RHBDF1: variants seen among roughly 807,000 people sequenced by gnomAD.
RHBDF1 encodes the protein rhomboid 5 homolog 1, also known as inactive rhomboid protein 1.
A neutral mutation model predicts 98.6 loss-of-function variants in RHBDF1; 80 were observed. The ratio of observed to expected loss-of-function variants is 0.81; its 90% CI spans 0.68 to 0.98. The LOEUF is 0.98. RHBDF1 is among the 50% of genes least tolerant of loss of function. RHBDF1 has a pLI of 0.00. For missense variants in RHBDF1, 1,116 were observed against 1,198.3 expected (o/e 0.93, Z 1.01); for synonymous variants, 512 against 486.8 (o/e 1.05, Z -0.68).
In RHBDF1 at chr16:72,507, A is replaced by G; in HGVS notation, c.-25+6T>C. ...GAGCCCTGCGCTCCCGGCCGCGCTC[A>G]CTCACTGCCGCCGCCGGGGGCTCTG... On this transcript the variant is annotated splice_donor_region_variant and intron_variant, in intron 1 of 17. Transcript: ENST00000262316. 1 of 960,680 alleles carries G rather than the reference A, an allele frequency of 1.0e-6. No homozygotes were observed. The highest frequency in any genetic ancestry group is 1.2e-6 in the Non-Finnish European group (1 of 820,574). The allele number at this position is 960,680 out of a possible 1,614,324, so 59.5% of individuals were successfully genotyped here. A position where few individuals can be genotyped will look rare whatever the true frequency, so the allele number is the denominator to read the frequency against.
At chr16:71,270 C>T (rs539452770) in intron 1 of RHBDF1, among the ~76,000 whole-genome samples, 86 of 152,306 alleles carry the variant, frequency 5.6e-4, no homozygotes, top group Middle Eastern at 3.4e-3. Flanking sequence ...GGGTCTGAGG[C>T]CCCTTCAATC....
In RHBDF1 at chr16:59,304, G is replaced by A. The variant is rs939688783; in HGVS notation, c.1939C>T (p.Pro647Ser). Residue 647 changes from proline (P) to serine (S), a missense_variant, in exon 16 of 18, where the codon CCC becomes TCC. Pro to Ser is a moderately conservative substitution (Grantham distance 74). Transcript: ENST00000262316. ...DVCGLLPFLN[P>S]EVPDQFYRLW... ...CGGTAGAACTGGTCAGGCACCTCGG[G>A]GTTGAGAAAAGGCAGGAGCCCACAC... The A allele has an allele frequency of 6.2e-7, 1 of 1,612,064 alleles. No individual in the cohort carries two copies. The highest frequency in any genetic ancestry group is 1.3e-5 in the African/African-American group (1 of 75,030).
intron 1 of RHBDF1, among the ~76,000 whole-genome samples, chr16:70,835 C>T (rs1897950133): frequency 6.6e-6 from 1 of 152,230 alleles, no homozygotes; most frequent in African/African-American, 2.4e-5. Flanking sequence ...TCAGACCCTT[C>T]TAAGACCCCT....
At chr16:64,344 C>G (rs959691654) in intron 3 of RHBDF1, 4 of 1,361,374 alleles carry the variant, frequency 2.9e-6, no homozygotes, top group Non-Finnish European at 9.7e-7. Flanking sequence ...TGAGCAGGGA[C>G]CAAGAGAGAG....
In RHBDF1 at chr16:63,816, C is replaced by T. The variant is rs1897737678; in HGVS notation, c.249-16G>A. 5 of 1,609,272 alleles carry T rather than the reference C, an allele frequency of 3.1e-6. No individual in the cohort carries two copies. Among genetic ancestry groups the T allele is most frequent in the Non-Finnish European group, 4.2e-6 (5 of 1,176,876 alleles). ...GGCGGTCCCCCTGGCATGGCAGGGA[C>T]TCAGCAAGGGGCGGCCAGATCGCCC... On this transcript the variant is annotated splice_polypyrimidine_tract_variant and intron_variant, in intron 3 of 17. Transcript: ENST00000262316.
In RHBDF1 at chr16:61,957, G is replaced by T. The variant is rs759878923; in HGVS notation, c.1049C>A (p.Pro350Gln). The T allele has an allele frequency of 2.6e-5, 42 of 1,594,080 alleles. No individual in the cohort carries two copies. The East Asian group carries it at 9.0e-4, about 34-fold the overall frequency. Residue 350 changes from proline (P) to glutamine (Q), a missense_variant, in exon 8 of 18, where the codon CCG becomes CAG. By Grantham distance (76) the Pro-to-Gln change is moderately conservative. Coordinates refer to ENST00000262316, the MANE Select transcript of RHBDF1 (RefSeq NM_022450.5). ...CACCGCGATACGCTGGCCCCGTCGC[G>T]GCCCCGCGGTGCTCACCACCTCCTG... ...LRQEVVSTAG[P>Q]RRGQRIAVPV...
At chr16:69,353 C>T (rs1219772959) in intron 1 of RHBDF1, among the ~76,000 whole-genome samples, 1 of 152,126 alleles carries the variant, frequency 6.6e-6, no homozygotes, top group Non-Finnish European at 1.5e-5. Flanking sequence ...CTGCCAACCC[C>T]GGGGCCAGAA....
chr16:71,604 TAGG>T (rs1454040549), intron 1 of RHBDF1, among the ~76,000 whole-genome samples: 1 of 152,128 alleles, frequency 6.6e-6, no homozygotes, highest in African/African-American at 2.4e-5. Context: ...GTTCCCAGGA[TAGG>T]AGAAGGGCCT....
chr16:62,704 A>T lies in RHBDF1; in HGVS notation c.796-9T>A. On this transcript the variant is annotated splice_polypyrimidine_tract_variant and intron_variant, in intron 6 of 17. Transcript: ENST00000262316. ...TCATGGAGGATACCTTCCTGAGCAA[A>T]CACATGAGGTCAGGGTGGACACAGG... 1 of 1,614,126 alleles carries T rather than the reference A, an allele frequency of 6.2e-7. No individual in the cohort carries two copies. Among genetic ancestry groups the T allele is most frequent in the Non-Finnish European group, 8.5e-7 (1 of 1,180,008 alleles).
chr16:64,548 C>G (rs2141857473), intron 3 of RHBDF1, 151 bp downstream of exon 3: 1 of 1,547,102 alleles, frequency 6.5e-7, no homozygotes, highest in Non-Finnish European at 8.7e-7. Flanking sequence ...GTATCCAGAA[C>G]AGGAGGAGGG....
At chr16:70,875 T>C (rs1897951005) in intron 1 of RHBDF1, among the ~76,000 whole-genome samples, 1 of 152,144 alleles carries the variant, frequency 6.6e-6, no homozygotes, top group African/African-American at 2.4e-5. Flanking sequence ...GGCATCTCAG[T>C]TGAAGAAGGA....
At chr16:68,002 T>A (rs1897873197) in intron 1 of RHBDF1, among the ~76,000 whole-genome samples, 1 of 151,478 alleles carries the variant, frequency 6.6e-6, no homozygotes, top group Non-Finnish European at 1.5e-5. Flanking sequence ...CCCAGGAACC[T>A]CCCCAGGACT....
Position 61,298 on chromosome 16 carries a change from CG to C in RHBDF1, c.1396-18del. 1 of 1,541,642 alleles carries C rather than the reference CG, an allele frequency of 6.5e-7. No individual in the cohort carries two copies. The highest frequency in any genetic ancestry group is 8.7e-7 in the Non-Finnish European group (1 of 1,143,156). On this transcript the variant is annotated intron_variant, in intron 10 of 17. Coordinates refer to ENST00000262316, the MANE Select transcript of RHBDF1 (RefSeq NM_022450.5). ...GAGGGCCTCCTGCGGGCGAGGGAGA[CG>C]AGCGGCCGCAGTCCGGGGCCTCCTG...
chr16:58,279 A>T lies in RHBDF1; in HGVS notation c.*61T>A. On this transcript the variant is annotated 3_prime_UTR_variant, in exon 18 of 18. Coordinates refer to ENST00000262316, the MANE Select transcript of RHBDF1 (RefSeq NM_022450.5). ...TGACTCCTGTAAGCCTGTGAGGCTC[A>T]GGGAGGTCGTGTCTGGCTCTGGCCT... 1 of 1,528,656 alleles carries T rather than the reference A, an allele frequency of 6.5e-7. No individual in the cohort carries two copies. Among genetic ancestry groups the T allele is most frequent in the Non-Finnish European group, 8.9e-7 (1 of 1,126,456 alleles). 94.7% of individuals were successfully genotyped at this position (1,528,656 alleles called of 1,614,324 possible).
At position 64,694 on chromosome 16, in the gene RHBDF1, G is replaced by T. The variant is rs1457006867; in HGVS notation, c.248+5C>A. 1.4e-5 allele frequency: 23 copies of T among 1,606,602 alleles called. No homozygotes were observed. The highest frequency in any genetic ancestry group is 2.0e-5 in the Non-Finnish European group (23 of 1,174,794). ...CCCCATGGAGCAGCTGGGCGGTGTT[G>T]GTACCTGCGGATGGTCTGTGTGATG... On this transcript the variant is annotated splice_donor_5th_base_variant and intron_variant, in intron 3 of 17. Coordinates refer to ENST00000262316, the MANE Select transcript of RHBDF1 (RefSeq NM_022450.5).
Position 61,945 on chromosome 16 carries a change from TG to T in RHBDF1, c.1060del (p.Gln354SerfsTer67). 6.3e-7 allele frequency: 1 copy of T among 1,597,302 alleles called. No individual in the cohort carries two copies. Among genetic ancestry groups the T allele is most frequent in the Non-Finnish European group, 8.5e-7 (1 of 1,178,676 alleles). On this transcript the variant is annotated frameshift_variant, in exon 8 of 18. Transcript: ENST00000262316. LOFTEE classifies it high-confidence loss of function. ...VVSTAGPRRGQRIAVPVRKLF... is the reference protein window; with the variant it reads ...VVSTAGPRRGXRIAVPVRKLF... ...CTTGCGCACCGGCACCGCGATACGC[TG>T]GCCCCGTCGCGGCCCCGCGGTGCTC...
intron 4 of RHBDF1, 28 bp from the exon 5 acceptor site, chr16:63,210 C>A (rs1309697431): frequency 3.3e-6 from 5 of 1,531,040 alleles, no homozygotes; most frequent in South Asian, 1.2e-5. Flanking sequence ...ATGCTGGAGT[C>A]AGGACCATGG....
intron 3 of RHBDF1, chr16:64,421 C>T (rs1041478457): frequency 2.0e-5 from 29 of 1,428,678 alleles, no homozygotes; most frequent in Admixed American, 1.3e-4. Context: ...TGGACACGCC[C>T]GAAGCGTACT....
In RHBDF1 at chr16:59,821, G is replaced by A. The variant is rs200966432; in HGVS notation, c.1728C>T (p.Cys576=). The A allele has an allele frequency of 1.9e-6, 3 of 1,614,164 alleles. No individual in the cohort carries two copies. The highest frequency in any genetic ancestry group is 4.5e-5 in the East Asian group (2 of 44,888). The change falls in exon 14 of 18, where the codon TGC becomes TGT. Residue 576 remains cysteine (C), a synonymous_variant. Coordinates refer to ENST00000262316, the MANE Select transcript of RHBDF1 (RefSeq NM_022450.5). ...WPEDITKWPI[C]TKNSAGNHTN... is the part of the protein sequence containing the mutation. Reference sequence around the variant, plus strand: ...TGTGGTTCCCAGCGCTGTTTTTGGTGCAGATCTGGGTCACAAATGAGGACG... The same window carrying A: ...TGTGGTTCCCAGCGCTGTTTTTGGTACAGATCTGGGTCACAAATGAGGACG...
Sources: allele counts gnomAD v4.1 joint callset (sites outside exome capture counted in the v4.1 genomes callset), GRCh38; gene constraint gnomAD v4.1.1; transcripts MANE v1.5; gene names NCBI Gene and HGNC (gene_info 2026-07-23, HGNC 2026-07-21).